MSRB3: variants seen among roughly 807,000 people sequenced by gnomAD.
MSRB3 encodes methionine-R-sulfoxide reductase B3.
Under a neutral mutation model 21.0 loss-of-function variants are expected in MSRB3, and 13 were observed. The observed-to-expected ratio is 0.62, with a 90% confidence interval of 0.40 to 0.98. The LOEUF is 0.98. Among genes scored for constraint, MSRB3 ranks in the 50% least tolerant of loss-of-function variants. MSRB3 has a pLI of 0.00. For synonymous variants in MSRB3, 87 were observed against 88.6 expected (o/e 0.98, Z 0.10); for missense variants, 199 against 230.3 (o/e 0.86, Z 0.88).
intron 5 of MSRB3, among the ~76,000 whole-genome samples, chr12:65,400,424 T>C (rs1880059855): frequency 6.6e-6 from 1 of 152,144 alleles, no homozygotes; most frequent in Non-Finnish European, 1.5e-5. Context: ...TCTCTGATGG[T>C]AGTTTGTATT....
Position 65,326,911 on chromosome 12 carries a change from C to T in MSRB3, c.162C>T (p.Val54=), listed in dbSNP as rs1382767948. 3 of 1,613,616 alleles carry T rather than the reference C, an allele frequency of 1.9e-6. No homozygotes were observed. In the South Asian group the frequency reaches 3.3e-5, roughly 18 times the overall value. The change falls in exon 3 of 7, where the codon GTC becomes GTT. Residue 54 remains valine, a synonymous_variant. Transcript: ENST00000308259. The part of the protein sequence containing the change: ...RKRLTPLQYH[V]TQEKGTESAF... The stretch of plus-strand genomic sequence containing the variant: ...GGCTAACACCCCTGCAGTACCATGT[C>T]ACTCAGGAGAAAGGGACCGAAAGGT...
chr12:65,445,171 A>G (rs1290336214), intron 5 of MSRB3, among the ~76,000 whole-genome samples: 1 of 152,110 alleles, frequency 6.6e-6, no homozygotes, highest in Non-Finnish European at 1.5e-5. Flanking sequence ...CCCTGCATGT[A>G]CTGCAATCAC....
intron 4 of MSRB3, among the ~76,000 whole-genome samples, chr12:65,349,649 C>T (rs1876797362): frequency 6.8e-6 from 1 of 147,534 alleles, no homozygotes; most frequent in Non-Finnish European, 1.5e-5. Context: ...TTGCATTTCT[C>T]TGATGGCCAG....
chr12:65,416,181 C>T (rs1880962301), intron 5 of MSRB3, among the ~76,000 whole-genome samples: 1 of 152,158 alleles, frequency 6.6e-6, no homozygotes, highest in South Asian at 2.1e-4. Context: ...ACAACTTTGC[C>T]TTTGTTTTTT....
intron 6 of MSRB3, among the ~76,000 whole-genome samples, chr12:65,455,479 T>C (rs994248479): frequency 6.6e-6 from 1 of 152,186 alleles, no homozygotes. Context: ...TAAAAGCTCC[T>C]CTGGTTAGTG....
At chr12:65,373,040 T>G (rs1011573024) in intron 5 of MSRB3, among the ~76,000 whole-genome samples, 2 of 152,194 alleles carry the variant, frequency 1.3e-5, no homozygotes, top group Non-Finnish European at 2.9e-5. Flanking sequence ...TGGCCCTCTG[T>G]ACATATCCAT....
intron 4 of MSRB3, among the ~76,000 whole-genome samples, chr12:65,358,903 AT>A (rs1050819536): frequency 4.0e-5 from 6 of 151,852 alleles, no homozygotes; most frequent in African/African-American, 1.5e-4. Flanking sequence ...ATCTCTTAGC[AT>A]TCTCTGTCTC....
In MSRB3 at chr12:65,278,786, C is replaced by T. The variant is rs1184431183; in HGVS notation, c.-131C>T. The T allele has an allele frequency of 2.5e-6, 4 of 1,574,010 alleles. No homozygotes were observed. Among genetic ancestry groups the T allele is most frequent in the Non-Finnish European group, 3.4e-6 (4 of 1,160,742 alleles). The stretch of plus-strand genomic sequence containing the variant: ...GCCTTTCCATGAGCCCGCGGCGGAC[C>T]CTCCCGCGCCCCCTCTCGCTCTGCC... On this transcript the variant is annotated 5_prime_UTR_variant, in exon 1 of 7. Transcript: ENST00000308259.
Position 65,422,427 on chromosome 12 carries a change from TA to T in MSRB3, c.293-31300del, listed in dbSNP as rs1308210710. Among the ~76,000 whole-genome samples the T allele has an allele frequency of 6.0e-3, 481 of 80,480 alleles. 2 individuals are homozygous for T. Among genetic ancestry groups the T allele is most frequent in the African/African-American group, 0.019 (391 of 20,278 alleles). The allele number at this position is 80,480 out of a possible 152,430, so 52.8% of individuals were successfully genotyped here. A position where few individuals can be genotyped will look rare whatever the true frequency, so the allele number is the denominator to read the frequency against. ...ATATATATATATATATATATATATA[TA>T]TATTTATTTATTTATTTATGGGGTA... On this transcript the variant is annotated intron_variant, in intron 5 of 6. Coordinates refer to ENST00000308259, the MANE Select transcript of MSRB3 (RefSeq NM_001031679.3).
intron 5 of MSRB3, among the ~76,000 whole-genome samples, chr12:65,408,555 C>T (rs1444631881): frequency 5.9e-5 from 9 of 152,054 alleles, no homozygotes; most frequent in African/African-American, 2.4e-5. Context: ...GTAGTTCTTT[C>T]GGTTGTAATC....
chr12:65,445,762 C>T (rs951570206), intron 5 of MSRB3, among the ~76,000 whole-genome samples: 1 of 151,684 alleles, frequency 6.6e-6, no homozygotes, highest in Admixed American at 6.6e-5. Flanking sequence ...TCTCCCACCT[C>T]AGCCTCCAGG....
At chr12:65,438,462 A>G (rs1306880928) in intron 5 of MSRB3, among the ~76,000 whole-genome samples, 1 of 151,886 alleles carries the variant, frequency 6.6e-6, no homozygotes, top group Non-Finnish European at 1.5e-5. Context: ...ACTAAATTCT[A>G]CATAGGATTA....
intron 4 of MSRB3, among the ~76,000 whole-genome samples, chr12:65,351,743 C>T (rs1000653393): frequency 2.6e-5 from 4 of 151,378 alleles, no homozygotes; most frequent in Admixed American, 2.0e-4. Flanking sequence ...GACACATACA[C>T]TCTCCCAAGA....
chr12:65,454,127 T>C, intron 6 of MSRB3: 2 of 591,364 alleles, frequency 3.4e-6, no homozygotes, highest in South Asian at 4.0e-5. Context: ...CTACAGAAAA[T>C]ATTTTAAAAC....
intron 4 of MSRB3, among the ~76,000 whole-genome samples, chr12:65,351,641 A>T (rs1877003365): frequency 6.7e-6 from 1 of 148,774 alleles, no homozygotes. Flanking sequence ...ATCACCACTG[A>T]TCCCACAGAA....
chr12:65,305,738 A>G (rs1394653733), intron 1 of MSRB3, among the ~76,000 whole-genome samples: 1 of 151,878 alleles, frequency 6.6e-6, no homozygotes, highest in Non-Finnish European at 1.5e-5. Flanking sequence ...TGCACAGTCA[A>G]CTGTTATCTT....
chr12:65,457,177 G>C (rs964815259), intron 6 of MSRB3, among the ~76,000 whole-genome samples: 1 of 151,632 alleles, frequency 6.6e-6, no homozygotes, highest in African/African-American at 2.4e-5. Context: ...AGTTCATGTA[G>C]TCTCTTCTTC....
intron 4 of MSRB3, among the ~76,000 whole-genome samples, chr12:65,362,371 C>A (rs956532741): frequency 2.6e-5 from 4 of 152,168 alleles, no homozygotes; most frequent in African/African-American, 9.7e-5. Context: ...CTTTACCTTT[C>A]CTCTCACTGC....
intron 5 of MSRB3, among the ~76,000 whole-genome samples, 184 bp downstream of exon 5, chr12:65,369,210 T>G (rs1878184807): frequency 6.6e-6 from 1 of 152,164 alleles, no homozygotes; most frequent in African/African-American, 2.4e-5. Context: ...GTGTTCACTT[T>G]GGAGTCTTCA....
Sources: allele counts gnomAD v4.1 joint callset (sites outside exome capture counted in the v4.1 genomes callset), GRCh38; gene constraint gnomAD v4.1.1; transcripts MANE v1.5; gene names NCBI Gene and HGNC (gene_info 2026-07-23, HGNC 2026-07-21).